The following CORO7 variants were observed in gnomAD, a reference collection of about 807,000 sequenced individuals.
The protein encoded by CORO7 is coronin-7.
In CORO7, 107 loss-of-function variants were observed where a neutral mutation model predicts 126.6. That is an observed-to-expected ratio of 0.85 (90% confidence interval 0.72 to 0.99). The LOEUF (loss-of-function observed/expected upper bound fraction) is 0.99. Among genes scored for constraint, CORO7 ranks in the 50% least tolerant of loss-of-function variants. The pLI, the probability that CORO7 is intolerant of heterozygous loss-of-function variation, is 0.00. For synonymous variants in CORO7, 603 were observed against 536.8 expected, an observed-to-expected ratio of 1.12 and a Z score of -1.70; for missense variants, 1,314 against 1,255.8, an observed-to-expected ratio of 1.05 and a Z score of -0.70.
At chr16:4,388,771 T>C in intron 7 of CORO7, 140 bp from the exon 8 acceptor site, 1 of 918,350 alleles carries the variant, frequency 1.1e-6, no homozygotes, top group Non-Finnish European at 1.6e-6. Context: ...TGGGTCCTTC[T>C]CCACGTCCCC....
intron 7 of CORO7, among the ~76,000 whole-genome samples, chr16:4,393,758 C>G (rs979278812): frequency 1.3e-5 from 2 of 152,194 alleles, no homozygotes; most frequent in Non-Finnish European, 2.9e-5. Flanking sequence ...TAAACTTCAC[C>G]TTCCTCAGGG....
Position 4,359,597 on chromosome 16 carries a change from T to A in CORO7, c.2133A>T (p.Leu711=). Residue 711 remains leucine (L), a synonymous_variant, in exon 22 of 28, where the codon CTA becomes CTT. Coordinates refer to ENST00000251166, the MANE Select transcript of CORO7 (RefSeq NM_024535.5). ...FDSQSERQLL[L]YEAEALAGGP... is the part of the protein sequence containing the mutation. The stretch of plus-strand genomic sequence containing the variant: ...CGCCGGCCAGGGCCTCAGCTTCATA[T>A]AGGAGCAGCTGGCGCTCACTTTGGC... 1.9e-6 allele frequency: 3 copies of A among 1,605,670 alleles called. No homozygotes were observed. The highest frequency in any genetic ancestry group is 2.6e-6 in the Non-Finnish European group (3 of 1,174,574).
At chr16:4,381,763 G>A (rs756410464) in intron 9 of CORO7, 4 of 1,602,206 alleles carry the variant, frequency 2.5e-6, no homozygotes, top group Non-Finnish European at 2.5e-6. Context: ...GCTGGCAGCT[G>A]CCCGCAACCC....
At chr16:4,368,410 G>A (rs918181389) in intron 9 of CORO7, among the ~76,000 whole-genome samples, 6 of 152,042 alleles carry the variant, frequency 3.9e-5, no homozygotes, top group East Asian at 1.9e-4. Context: ...CTACTCGGCT[G>A]GCTGAGGCAG....
At chr16:4,394,421 C>T (rs1032403391) in intron 7 of CORO7, among the ~76,000 whole-genome samples, 1 of 151,596 alleles carries the variant, frequency 6.6e-6, no homozygotes, top group East Asian at 1.9e-4. Flanking sequence ...TACACTCCAG[C>T]CTGGGCGACA....
rs1393622891 is a variant in CORO7 at position 4,382,346 on chromosome 16, A to G, written c.785+5640T>C. ...CGCTACCTCCAGGGGAGCTCCGTGC[A>G]GCTCAGGAGCCTCCGTCTCACCTAT... On this transcript the variant is annotated intron_variant, in intron 9 of 27. Coordinates refer to ENST00000251166, the MANE Select transcript of CORO7 (RefSeq NM_024535.5). 2.5e-6 allele frequency: 4 copies of G among 1,611,732 alleles called. No homozygotes were observed. The South Asian group carries it at 4.4e-5, about 18-fold the overall frequency.
intron 7 of CORO7, among the ~76,000 whole-genome samples, chr16:4,392,243 C>T (rs889882124): frequency 1.2e-4 from 18 of 152,212 alleles, no homozygotes; most frequent in African/African-American, 3.6e-4. Flanking sequence ...CCAGCTGGGC[C>T]GGTTGTAAAG....
At chr16:4,369,779 G>T (rs914327673) in intron 9 of CORO7, among the ~76,000 whole-genome samples, 2 of 152,132 alleles carry the variant, frequency 1.3e-5, no homozygotes, top group African/African-American at 4.8e-5. Context: ...TTCAAAGCAG[G>T]CTGGGTCCCT....
intron 1 of CORO7, chr16:4,415,835 G>C: frequency 2.1e-5 from 21 of 985,588 alleles, no homozygotes; most frequent in Non-Finnish European, 2.5e-5. Context: ...CAATTCTTTG[G>C]GGCTCCACCT....
Position 4,379,711 on chromosome 16 carries a change from C to T in CORO7, c.785+8275G>A, listed in dbSNP as rs532601749. On this transcript the variant is annotated intron_variant, in intron 9 of 27. Transcript: ENST00000251166. ...CACTGCCAAGGGGATGGCTGCTGCT[C>T]ATCTTTCTTGGTGCCCAGCTCAGGG... is the stretch of plus-strand genomic sequence containing the variant. 5.9e-5 allele frequency among the ~76,000 whole-genome samples: 9 copies of T among 152,098 alleles called. No homozygotes were observed. The South Asian group carries it at 8.3e-4, about 14-fold the overall frequency.
At chr16:4,382,663 G>A in intron 9 of CORO7, 1 of 1,552,364 alleles carries the variant, frequency 6.4e-7, no homozygotes, top group South Asian at 1.2e-5. Flanking sequence ...GGTGGGGGCA[G>A]CCTACTGTGT....
Position 4,382,254 on chromosome 16 carries a change from G to A in CORO7, c.785+5732C>T, listed in dbSNP as rs777868325. The A allele has an allele frequency of 3.1e-6, 5 of 1,608,056 alleles. 1 individual carries two copies. In the South Asian group the frequency reaches 4.4e-5, roughly 14 times the overall value. ...CCAGCCCTACACCAGTCACGCCGAG[G>A]CCACCACGGTCCCTGACCCTGGGCA... On this transcript the variant is annotated intron_variant, in intron 9 of 27. Coordinates refer to ENST00000251166, the MANE Select transcript of CORO7 (RefSeq NM_024535.5).
At chr16:4,400,635 A>G (rs1166525427) in intron 6 of CORO7, among the ~76,000 whole-genome samples, 5 of 148,034 alleles carry the variant, frequency 3.4e-5, no homozygotes, top group South Asian at 2.1e-4. Context: ...CTCTGTCTCA[A>G]AAACAAAAAC....
At position 4,361,438 on chromosome 16, in the gene CORO7, G is replaced by A. The variant is rs764976540; in HGVS notation, c.1610C>T (p.Ala537Val). Residue 537 changes from alanine (A) to valine (V), a missense_variant, in exon 17 of 28, where the codon GCA becomes GTA. Transcript: ENST00000251166. ...LRKPGRLPDT[A>V]LPTLQNGAAV... ...TGCCCCATTCTGCAGCGTGGGCAGT[G>A]CCGTGTCGGGCAGGCGGCCAGGCTT... The A allele has an allele frequency of 1.9e-5, 30 of 1,612,208 alleles. 1 individual carries two copies. The highest frequency in any genetic ancestry group is 2.5e-6 in the Non-Finnish European group (3 of 1,179,850).
chr16:4,389,122 C>A (rs562534438), intron 7 of CORO7, among the ~76,000 whole-genome samples: 5 of 152,202 alleles, frequency 3.3e-5, no homozygotes, highest in African/African-American at 1.2e-4. Flanking sequence ...GGCAAAGCAC[C>A]GTGTAAACTG....
intron 9 of CORO7, among the ~76,000 whole-genome samples, chr16:4,380,093 C>T: frequency 6.6e-6 from 1 of 151,456 alleles, no homozygotes; most frequent in East Asian, 1.9e-4. Context: ...AATGACTCTG[C>T]AGAGTTTTCC....
intron 9 of CORO7, among the ~76,000 whole-genome samples, chr16:4,369,790 T>C (rs1207561088): frequency 6.6e-6 from 1 of 152,104 alleles, no homozygotes; most frequent in Admixed American, 6.5e-5. Flanking sequence ...CTGGGTCCCT[T>C]GGATCTGTCC....
At chr16:4,386,283 C>T (rs2055191062) in intron 9 of CORO7, among the ~76,000 whole-genome samples, 1 of 152,194 alleles carries the variant, frequency 6.6e-6, no homozygotes, top group African/African-American at 2.4e-5. Flanking sequence ...GCCAGTGGCA[C>T]CGTGAGGTCT....
chr16:4,413,449 C>T, intron 1 of CORO7, 45 bp from the exon 2 acceptor site: 5 of 1,534,160 alleles, frequency 3.3e-6, no homozygotes, highest in Non-Finnish European at 4.4e-6. Flanking sequence ...GCCAGGGTTC[C>T]ACCTCCATGC....
Sources: gnomAD v4.1 joint callset for allele counts (sites outside exome capture counted in the v4.1 genomes callset) on GRCh38, gnomAD v4.1.1 for gene constraint, MANE v1.5 for transcripts, NCBI Gene and HGNC (gene_info 2026-07-23, HGNC 2026-07-21) for gene names.